The following SVOPL variants were observed in gnomAD, a reference collection of about 807,000 sequenced individuals.
The protein encoded by SVOPL is SVOP like.
In SVOPL, 60 loss-of-function variants were observed where a neutral mutation model predicts 61.0. The ratio of observed to expected loss-of-function variants is 0.98; its 90% CI spans 0.80 to 1.22. The LOEUF (loss-of-function observed/expected upper bound fraction) is 1.22. SVOPL is among the 50% of genes most tolerant of loss of function. SVOPL has a pLI of 0.00. For missense variants in SVOPL, 662 were observed against 643.9 expected, an observed-to-expected ratio of 1.03 and a Z score of -0.30; for synonymous variants, 279 against 250.0, an observed-to-expected ratio of 1.12 and a Z score of -1.09.
At chr7:138,627,910 G>A (rs965430134) in intron 11 of SVOPL, among the ~76,000 whole-genome samples, 2 of 152,066 alleles carry the variant, frequency 1.3e-5, no homozygotes, top group African/African-American at 4.8e-5. Context: ...GCCAATTTCA[G>A]AGATGTTAAA....
chr7:138,603,510 C>G (rs1798615965), intron 14 of SVOPL, among the ~76,000 whole-genome samples: 1 of 152,078 alleles, frequency 6.6e-6, no homozygotes, highest in Non-Finnish European at 1.5e-5. Context: ...ACAGTGAAAC[C>G]CCTTCTCTAC....
chr7:138,635,345 G>A (rs1800419270), intron 9 of SVOPL, among the ~76,000 whole-genome samples: 2 of 150,980 alleles, frequency 1.3e-5, no homozygotes, highest in Admixed American at 1.3e-4. Flanking sequence ...CTCAAAAGGG[G>A]GAAACAAAGC....
At chr7:138,662,943 G>T in intron 5 of SVOPL, 131 bp downstream of exon 5, 1 of 1,500,208 alleles carries the variant, frequency 6.7e-7, no homozygotes. Context: ...TTCCATCAGG[G>T]AGGGAAATGT....
intron 13 of SVOPL, among the ~76,000 whole-genome samples, chr7:138,623,359 G>A (rs1211974818): frequency 1.3e-5 from 2 of 152,138 alleles, no homozygotes; most frequent in African/African-American, 2.4e-5. Context: ...CGAGCACTTT[G>A]GGAGGCCGAG....
At chr7:138,630,496 C>T (rs1800126859) in intron 9 of SVOPL, among the ~76,000 whole-genome samples, 1 of 152,168 alleles carries the variant, frequency 6.6e-6, no homozygotes, top group African/African-American at 2.4e-5. Flanking sequence ...AAAACAAAAA[C>T]TCTTATATTA....
At chr7:138,640,128 G>GA (rs1584817504) in intron 9 of SVOPL, among the ~76,000 whole-genome samples, 2 of 152,084 alleles carry the variant, frequency 1.3e-5, no homozygotes, top group East Asian at 3.9e-4. Context: ...GATGCACATG[G>GA]AAAATACTAA....
intron 13 of SVOPL, among the ~76,000 whole-genome samples, chr7:138,622,825 A>C (rs1799732548): frequency 6.6e-6 from 1 of 152,226 alleles, no homozygotes; most frequent in African/African-American, 2.4e-5. Context: ...TTGGTTTTTC[A>C]TTGATTCAGA....
At chr7:138,691,643 C>T (rs1019049837) in intron 1 of SVOPL, among the ~76,000 whole-genome samples, 5 of 152,038 alleles carry the variant, frequency 3.3e-5, no homozygotes, top group Admixed American at 3.3e-4. Context: ...CAGGTTCAAG[C>T]GATTCTCGTG....
intron 9 of SVOPL, among the ~76,000 whole-genome samples, chr7:138,641,813 G>A (rs1005224629): frequency 5.9e-4 from 13 of 21,856 alleles, no homozygotes; most frequent in African/African-American, 1.1e-3. Flanking sequence ...ATATATATAT[G>A]TTATATATAT....
intron 10 of SVOPL, among the ~76,000 whole-genome samples, chr7:138,629,517 T>C (rs1043569432): frequency 2.0e-5 from 3 of 152,168 alleles, no homozygotes; most frequent in Admixed American, 2.0e-4. Flanking sequence ...GCTGGGATTA[T>C]AGGCGTGAGC....
intron 4 of SVOPL, among the ~76,000 whole-genome samples, chr7:138,666,202 T>C (rs1336222181): frequency 6.6e-6 from 1 of 152,246 alleles, no homozygotes; most frequent in African/African-American, 2.4e-5. Context: ...GATACACCTA[T>C]GGCCCGGCCA....
chr7:138,630,108 T>C lies in SVOPL; in HGVS notation c.804A>G (p.Arg268=). 1.9e-6 allele frequency: 3 copies of C among 1,613,916 alleles called. No individual in the cohort carries two copies. The highest frequency in any genetic ancestry group is 2.5e-6 in the Non-Finnish European group (3 of 1,179,806). Residue 268 remains arginine (R), a synonymous_variant, in exon 10 of 16, where the codon AGA becomes AGG. Coordinates refer to ENST00000674285, the MANE Select transcript of SVOPL (RefSeq NM_001139456.2). ...LVEPVLEKRG[R]FADLLDAKYL... is the part of the protein sequence containing the mutation. ...ATTTAGCATCCAATAGGTCTGCAAATCTTCCTCTTTTTTCCTGGGGTAATG... is the reference window on the plus strand; with the variant it reads ...ATTTAGCATCCAATAGGTCTGCAAACCTTCCTCTTTTTTCCTGGGGTAATG...
At chr7:138,693,560 AGAAAGAAAGAAAGAAAAAAG>A (rs200892455) in intron 1 of SVOPL, among the ~76,000 whole-genome samples, 11 of 138,286 alleles carry the variant, frequency 8.0e-5, no homozygotes, top group African/African-American at 2.5e-4. Flanking sequence ...AAAGAAAGAA[AGAAAGAAAGAAAGAAAAAAG>A]GAAAGAAAGA....
intron 1 of SVOPL, among the ~76,000 whole-genome samples, chr7:138,700,398 G>T (rs1803166062): frequency 6.9e-6 from 1 of 143,944 alleles, no homozygotes; most frequent in South Asian, 2.2e-4. Context: ...GAGTGCCGTG[G>T]TGTGATCTTG....
At chr7:138,662,526 GA>G in intron 5 of SVOPL, 1 of 985,772 alleles carries the variant, frequency 1.0e-6, no homozygotes, top group Non-Finnish European at 1.2e-6. Flanking sequence ...TGCAGCAGTG[GA>G]CTAGTCATTT....
At chr7:138,653,949 GAAAA>G (rs1563121911) in intron 7 of SVOPL, among the ~76,000 whole-genome samples, 3 of 137,952 alleles carry the variant, frequency 2.2e-5, no homozygotes, top group Non-Finnish European at 4.7e-5. Context: ...AAAAAAAAAA[GAAAA>G]GAAAAGAAAA....
chr7:138,622,048 A>G (rs1223556067), intron 13 of SVOPL, among the ~76,000 whole-genome samples: 6 of 133,812 alleles, frequency 4.5e-5, no homozygotes, highest in African/African-American at 1.5e-4. Context: ...GTATCTATCT[A>G]TCTATGTATC....
At chr7:138,635,027 G>T (rs1335528370) in intron 9 of SVOPL, among the ~76,000 whole-genome samples, 1 of 152,098 alleles carries the variant, frequency 6.6e-6, no homozygotes, top group African/African-American at 2.4e-5. Context: ...CCAGCACTTT[G>T]GGAGGGAGGC....
intron 14 of SVOPL, among the ~76,000 whole-genome samples, chr7:138,618,505 C>T (rs1459183646): frequency 1.3e-5 from 2 of 152,050 alleles, no homozygotes; most frequent in South Asian, 2.1e-4. Context: ...ACTAAAAATA[C>T]AAAAAATCAG....
Sources: gnomAD v4.1 joint callset for allele counts (sites outside exome capture counted in the v4.1 genomes callset) on GRCh38, gnomAD v4.1.1 for gene constraint, MANE v1.5 for transcripts, NCBI Gene and HGNC (gene_info 2026-07-23, HGNC 2026-07-21) for gene names.